The following LMCD1 variants were observed in gnomAD, a reference collection of about 807,000 sequenced individuals.
LMCD1 encodes the protein LIM and cysteine rich domains 1.
Under a neutral mutation model 42.7 loss-of-function variants are expected in LMCD1, and 32 were observed. That is an observed-to-expected ratio of 0.75 (90% CI 0.57 to 1.01). LMCD1 has a LOEUF of 1.01. LMCD1 is among the 50% of genes least tolerant of loss of function. LMCD1 has a pLI of 0.00. For missense variants in LMCD1, 458 were observed against 483.1 expected (o/e 0.95, Z 0.49); for synonymous variants, 178 against 184.9 (o/e 0.96, Z 0.30).
Position 8,537,345 on chromosome 3 carries a change from C to G in LMCD1, c.292C>G (p.Arg98Gly), listed in dbSNP as rs771067474. ...CGGCATCCGGATTTACAAGAGGAAC[C>G]GGATGATCATGACCAACCCTATTGC... ...GDGIRIYKRN[R>G]MIMTNPIATG... The change falls in exon 3 of 6, where the codon CGG (arginine) becomes GGG (glycine). Residue 98 changes from arginine to glycine, a missense_variant. Arg to Gly is a moderately radical substitution (Grantham distance 125). Coordinates refer to ENST00000157600, the MANE Select transcript of LMCD1 (RefSeq NM_014583.4). 2 of 1,614,026 alleles carry G rather than the reference C, an allele frequency of 1.2e-6. No homozygotes were observed. Among genetic ancestry groups the G allele is most frequent in the African/African-American group, 2.7e-5 (2 of 74,920 alleles).
At chr3:8,530,779 C>A (rs1258056377) in intron 1 of LMCD1, among the ~76,000 whole-genome samples, 2 of 152,188 alleles carry the variant, frequency 1.3e-5, no homozygotes, top group Non-Finnish European at 2.9e-5. Context: ...AGGTTATATG[C>A]CAGTGGCTTT....
intron 1 of LMCD1, among the ~76,000 whole-genome samples, chr3:8,505,317 G>A (rs1202824873): frequency 6.6e-6 from 1 of 152,188 alleles, no homozygotes; most frequent in Non-Finnish European, 1.5e-5. Flanking sequence ...TGCAAAATCT[G>A]CTTACATGGA....
At chr3:8,546,793 A>C (rs1031300627) in intron 3 of LMCD1, among the ~76,000 whole-genome samples, 51 of 152,310 alleles carry the variant, frequency 3.3e-4, no homozygotes, top group Non-Finnish European at 5.4e-4. Context: ...AAGCCTATCA[A>C]TTGTGGGGCC....
Position 8,556,388 on chromosome 3 carries a change from CT to C in LMCD1, c.723+7495del, listed in dbSNP as rs901486056. Among the ~76,000 whole-genome samples the C allele has an allele frequency of 5.8e-4, 85 of 146,416 alleles. 1 individual carries two copies. Among genetic ancestry groups the C allele is most frequent in the Admixed American group, 1.6e-3 (23 of 14,648 alleles). On this transcript the variant is annotated intron_variant, in intron 4 of 5. Coordinates refer to ENST00000157600, the MANE Select transcript of LMCD1 (RefSeq NM_014583.4). Reference sequence around the variant, plus strand: ...GAGTAGTAAATATTTTTCCAGGAAGCTTTTTTTTTTCAGGAGTGTGTGTGTG... The same window carrying C: ...GAGTAGTAAATATTTTTCCAGGAAGCTTTTTTTTTCAGGAGTGTGTGTGTG...
chr3:8,509,707 T>C (rs1693957317), intron 1 of LMCD1, among the ~76,000 whole-genome samples: 1 of 152,146 alleles, frequency 6.6e-6, no homozygotes, highest in African/African-American at 2.4e-5. Context: ...TCTCCTTCCT[T>C]TTCCAACCAC....
intron 3 of LMCD1, among the ~76,000 whole-genome samples, chr3:8,538,642 T>A (rs1050519891): frequency 6.6e-6 from 1 of 152,246 alleles, no homozygotes; most frequent in Non-Finnish European, 1.5e-5. Context: ...AAAGGTTCTT[T>A]CCTTGCTCTT....
chr3:8,565,521 C>T lies in LMCD1; in HGVS notation c.813C>T (p.Thr271=). The change falls in exon 5 of 6, where the codon ACC becomes ACT. Residue 271 remains threonine, a synonymous_variant. Coordinates refer to ENST00000157600, the MANE Select transcript of LMCD1 (RefSeq NM_014583.4). The stretch of plus-strand genomic sequence containing the variant: ...GCTACAACAAGCAGTGGCACCCCAC[C>T]TGCTTTGTGTGTGCCAAGTGCTCCG... ...RAGYNKQWHP[T]CFVCAKCSEP... The T allele has an allele frequency of 6.2e-7, 1 of 1,614,214 alleles. No individual in the cohort carries two copies. Among genetic ancestry groups the T allele is most frequent in the Non-Finnish European group, 8.5e-7 (1 of 1,180,024 alleles).
chr3:8,542,298 A>G (rs1204987612), intron 3 of LMCD1, among the ~76,000 whole-genome samples: 1 of 152,120 alleles, frequency 6.6e-6, no homozygotes, highest in Non-Finnish European at 1.5e-5. Flanking sequence ...CACCATGCCC[A>G]GCCCCAGCTG....
chr3:8,562,417 G>A (rs1447728161), intron 4 of LMCD1, among the ~76,000 whole-genome samples: 2 of 152,134 alleles, frequency 1.3e-5, no homozygotes, highest in African/African-American at 4.8e-5. Flanking sequence ...CTCCCCACCC[G>A]ACCCAGCTCA....
At position 8,549,017 on chromosome 3, in the gene LMCD1, G is replaced by T. The variant is rs948206218; in HGVS notation, c.723+114G>T. On this transcript the variant is annotated intron_variant, in intron 4 of 5. Coordinates refer to ENST00000157600, the MANE Select transcript of LMCD1 (RefSeq NM_014583.4). ...CATTCATGCATTTATTCATGAATTT[G>T]TGCATTCAGCAGATATTGATTGCTC... The T allele has an allele frequency of 1.4e-5, 11 of 785,242 alleles. No homozygotes were observed. In the African/African-American group the frequency reaches 1.8e-4, roughly 12 times the overall value. 48.6% of individuals were successfully genotyped at this position (785,242 alleles called of 1,614,324 possible).
chr3:8,502,091 C>G (rs558606010), intron 1 of LMCD1, 111 bp downstream of exon 1: 8 of 904,916 alleles, frequency 8.8e-6, no homozygotes, highest in Middle Eastern at 2.2e-4. Flanking sequence ...TCTTTAAATT[C>G]CAAAACTGCA....
At position 8,548,890 on chromosome 3, in the gene LMCD1, A is replaced by G. The variant is rs142439607; in HGVS notation, c.710A>G (p.Lys237Arg). The change falls in exon 4 of 6, where the codon AAA becomes AGA. Residue 237 changes from lysine (K) to arginine (R), a missense_variant. By Grantham distance (26) the Lys-to-Arg change is conservative (BLOSUM62 2). Coordinates refer to ENST00000157600, the MANE Select transcript of LMCD1 (RefSeq NM_014583.4). ...TTNGSLSDPS[K>R]EVEYVCELCK... Reference sequence around the variant, plus strand: ...AACGGCAGTCTCAGTGACCCGTCCAAAGAAGTGGAATACGTAAGTTTCTCC... The same window carrying G: ...AACGGCAGTCTCAGTGACCCGTCCAGAGAAGTGGAATACGTAAGTTTCTCC... The G allele has an allele frequency of 5.9e-4, 903 of 1,527,812 alleles. 6 individuals carry two copies. In the African/African-American group the frequency reaches 0.011, roughly 19 times the overall value. 94.6% of individuals were successfully genotyped at this position (1,527,812 alleles called of 1,614,324 possible). A position where few individuals can be genotyped will look rare whatever the true frequency, so the allele number is the denominator to read the frequency against.
At chr3:8,509,651 T>C (rs1248678397) in intron 1 of LMCD1, among the ~76,000 whole-genome samples, 2 of 152,090 alleles carry the variant, frequency 1.3e-5, no homozygotes, top group Non-Finnish European at 2.9e-5. Flanking sequence ...GTTCTGTGAG[T>C]CTTTGTGTTC....
At chr3:8,559,032 G>C (rs563102780) in intron 4 of LMCD1, among the ~76,000 whole-genome samples, 1 of 152,130 alleles carries the variant, frequency 6.6e-6, no homozygotes, top group African/African-American at 2.4e-5. Flanking sequence ...CTGTCTCCAG[G>C]GGCAGGATCA....
chr3:8,507,816 C>T (rs561045897), intron 1 of LMCD1, among the ~76,000 whole-genome samples: 1 of 152,338 alleles, frequency 6.6e-6, no homozygotes, highest in East Asian at 1.9e-4. Flanking sequence ...GTTCTTTTCA[C>T]TCTGCAAGAA....
In LMCD1 at chr3:8,557,737, G is replaced by A. The variant is rs142290694; in HGVS notation, c.724-7695G>A. ...ACATTTGATGTTTCTGTCACCTAGG[G>A]CTGCATATCAAAGCATCCCAAGGCA... On this transcript the variant is annotated intron_variant, in intron 4 of 5. Coordinates refer to ENST00000157600, the MANE Select transcript of LMCD1 (RefSeq NM_014583.4). Among the ~76,000 whole-genome samples the A allele has an allele frequency of 1.6e-3, 247 of 152,262 alleles. 10 individuals are homozygous for A. In the East Asian group the frequency reaches 0.031, roughly 19 times the overall value.
intron 1 of LMCD1, among the ~76,000 whole-genome samples, chr3:8,502,321 T>TAAAATG (rs1553604870): frequency 3.9e-5 from 1 of 25,760 alleles, no homozygotes; most frequent in Admixed American, 8.1e-4. Context: ...AAAATATATA[T>TAAAATG]TATATATAAT....
At chr3:8,555,105 C>G (rs1312733257) in intron 4 of LMCD1, among the ~76,000 whole-genome samples, 1 of 152,098 alleles carries the variant, frequency 6.6e-6, no homozygotes, top group Non-Finnish European at 1.5e-5. Flanking sequence ...CCTCCAGGAT[C>G]CTGGGAGCAC....
At chr3:8,565,729 C>G (rs1695121774) in intron 5 of LMCD1, 82 bp downstream of exon 5, 5 of 1,292,854 alleles carry the variant, frequency 3.9e-6, no homozygotes, top group Non-Finnish European at 5.4e-6. Flanking sequence ...AGGAGCATGG[C>G]TTTGTGGATG....
Sources: gnomAD v4.1 joint callset for allele counts (sites outside exome capture counted in the v4.1 genomes callset) on GRCh38, gnomAD v4.1.1 for gene constraint, MANE v1.5 for transcripts, NCBI Gene and HGNC (gene_info 2026-07-23, HGNC 2026-07-21) for gene names.